Variants in TENM1 observed in about 807,000 individuals in gnomAD.
TENM1 encodes teneurin transmembrane protein 1, also known as teneurin-1.
Under a neutral mutation model 174.8 loss-of-function variants are expected in TENM1, and 35 were observed. The observed-to-expected ratio is 0.20, with a 90% confidence interval of 0.15 to 0.27. The LOEUF is 0.27. Among genes scored for constraint, TENM1 ranks in the 10% least tolerant of loss-of-function variants. The pLI, the probability that TENM1 is intolerant of heterozygous loss-of-function variation, is 1.00. For synonymous variants in TENM1, 781 were observed against 798.7 expected, an observed-to-expected ratio of 0.98 and a Z score of 0.37; for missense variants, 1,633 against 2,130.1, an observed-to-expected ratio of 0.77 and a Z score of 4.59.
chrX:124,845,920 G>A (rs922737996), intron 3 of TENM1, among the ~76,000 whole-genome samples: 4 of 110,313 alleles, frequency 3.6e-5, no homozygotes, highest in Non-Finnish European at 5.7e-5. Flanking sequence ...AGTAATAAAA[G>A]CTTTGCGTGA....
At chrX:125,109,906 G>A in the TENM1 span, among the ~76,000 whole-genome samples, 1 of 111,446 alleles carries the variant, frequency 9.0e-6, no homozygotes, top group Non-Finnish European at 1.9e-5. Flanking sequence ...TAGGTGATGG[G>A]GATCCATTGG....
chrX:124,802,989 T>C (rs1410870988), intron 3 of TENM1, among the ~76,000 whole-genome samples: 2 of 112,113 alleles, frequency 1.8e-5, no homozygotes, highest in Admixed American at 9.4e-5. Context: ...AGAAATATTT[T>C]TAAAGAGGCA....
intron 11 of TENM1, among the ~76,000 whole-genome samples, chrX:124,625,164 T>C (rs191426946): frequency 9.0e-6 from 1 of 111,175 alleles, no homozygotes; most frequent in East Asian, 2.8e-4. Context: ...AGCTAACATA[T>C]GCAGTGTTTT....
At chrX:124,432,232 T>TAA (rs2060786838) in intron 23 of TENM1, among the ~76,000 whole-genome samples, 1 of 111,818 alleles carries the variant, frequency 8.9e-6, no homozygotes, top group African/African-American at 3.3e-5. Flanking sequence ...AAGCTTTATC[T>TAA]AGATGGATTT....
chrX:124,553,114 T>C (rs1464559983), intron 14 of TENM1, among the ~76,000 whole-genome samples: 1 of 111,659 alleles, frequency 9.0e-6, no homozygotes, highest in African/African-American at 3.3e-5. Context: ...ATTTATCCTT[T>C]GTGTTACAAA....
Position 124,850,757 on chromosome X carries a change from G to GA in TENM1, c.535+43538dup, listed in dbSNP as rs761504086. On this transcript the variant is annotated intron_variant, in intron 3 of 31. Transcript: ENST00000422452. Reference sequence around the variant, plus strand: ...CACTAATCTCAGCGGATAATAATTAGAAAAAACACAATAGAAGAAAAAAAA... The same window carrying GA: ...CACTAATCTCAGCGGATAATAATTAGAAAAAAACACAATAGAAGAAAAAAAA... 2.0e-3 allele frequency among the ~76,000 whole-genome samples: 219 copies of GA among 110,046 alleles called. 1 individual carries two copies. The highest frequency in any genetic ancestry group is 6.9e-3 in the African/African-American group (209 of 30,376).
At chrX:124,911,784 T>C (rs2057840942) in intron 1 of TENM1, among the ~76,000 whole-genome samples, 1 of 111,678 alleles carries the variant, frequency 9.0e-6, no homozygotes, top group Non-Finnish European at 1.9e-5. Context: ...TTAGATTATA[T>C]CTCATGCTGC....
chrX:124,572,437 T>A, intron 11 of TENM1, among the ~76,000 whole-genome samples: 1 of 111,742 alleles, frequency 8.9e-6, no homozygotes, highest in Middle Eastern at 4.7e-3. Flanking sequence ...GATAGCTTAC[T>A]GAGTATGGTA....
At chrX:125,074,595 C>G in the TENM1 span, among the ~76,000 whole-genome samples, 1 of 111,138 alleles carries the variant, frequency 9.0e-6, no homozygotes, top group South Asian at 3.8e-4. Flanking sequence ...TCACTTGAAT[C>G]TCTTCATTTC....
the TENM1 span, among the ~76,000 whole-genome samples, chrX:125,187,521 A>C: frequency 1.8e-5 from 2 of 111,748 alleles, no homozygotes; most frequent in Admixed American, 1.9e-4. Flanking sequence ...TAAATAAATC[A>C]AGGATTTATT....
chrX:124,385,162 AC>A (rs1336658873), intron 29 of TENM1, among the ~76,000 whole-genome samples: 1 of 112,666 alleles, frequency 8.9e-6, no homozygotes, highest in Non-Finnish European at 1.9e-5. Flanking sequence ...ATAATCACTG[AC>A]AAAAATGCTT....
intron 15 of TENM1, among the ~76,000 whole-genome samples, chrX:124,542,100 G>C (rs2048332361): frequency 8.9e-6 from 1 of 112,423 alleles, no homozygotes; most frequent in South Asian, 3.7e-4. Flanking sequence ...CCAGTTATTT[G>C]AGTCATCCCA....
intron 6 of TENM1, among the ~76,000 whole-genome samples, chrX:124,667,390 G>T (rs1402415300): frequency 9.1e-6 from 1 of 110,114 alleles, no homozygotes; most frequent in Admixed American, 9.7e-5. Flanking sequence ...AGGAGTTTGA[G>T]ACTAGCCTGG....
intron 3 of TENM1, among the ~76,000 whole-genome samples, chrX:124,890,016 C>T (rs1364798627): frequency 9.0e-6 from 1 of 111,576 alleles, no homozygotes; most frequent in East Asian, 2.8e-4. Context: ...CTCTAGTACA[C>T]AGTTTGGCAA....
chrX:124,856,450 C>T (rs778199530), intron 3 of TENM1, among the ~76,000 whole-genome samples: 2 of 111,203 alleles, frequency 1.8e-5, no homozygotes, highest in South Asian at 3.7e-4. Context: ...TTAAGTGGTA[C>T]ATTTTACATT....
At chrX:124,768,040 G>T (rs1336538960) in intron 3 of TENM1, among the ~76,000 whole-genome samples, 1 of 111,458 alleles carries the variant, frequency 9.0e-6, no homozygotes, top group Non-Finnish European at 1.9e-5. Context: ...AAAAATTGTT[G>T]CTCTGAAAAC....
the TENM1 span, among the ~76,000 whole-genome samples, chrX:125,029,955 C>T: frequency 1.8e-5 from 2 of 111,817 alleles, no homozygotes; most frequent in Admixed American, 9.5e-5. Flanking sequence ...ACCTATTTAC[C>T]GGCACAACTA....
At chrX:124,667,521 C>T (rs890148359) in intron 6 of TENM1, among the ~76,000 whole-genome samples, 16 of 105,069 alleles carry the variant, frequency 1.5e-4, no homozygotes, top group East Asian at 5.9e-4. Context: ...ACCTGGGAGG[C>T]GGAGGTTGCA....
At chrX:124,852,915 A>G (rs1482353585) in intron 3 of TENM1, among the ~76,000 whole-genome samples, 2 of 111,828 alleles carry the variant, frequency 1.8e-5, no homozygotes, top group African/African-American at 6.5e-5. Flanking sequence ...ACTTCTACTA[A>G]AAGTAGGATG....
Sources: gnomAD v4.1 joint callset for allele counts (sites outside exome capture counted in the v4.1 genomes callset) on GRCh38, gnomAD v4.1.1 for gene constraint, MANE v1.5 for transcripts, NCBI Gene and HGNC (gene_info 2026-07-23, HGNC 2026-07-21) for gene names.